ITGA1: variants seen among roughly 807,000 people sequenced by gnomAD.
ITGA1 encodes the protein integrin subunit alpha 1.
Under a neutral mutation model 145.9 loss-of-function variants are expected in ITGA1, and 85 were observed. The observed-to-expected ratio is 0.58, with a 90% CI of 0.49 to 0.70. The LOEUF is 0.70. ITGA1 is among the 30% of genes least tolerant of loss of function. The pLI is 0.00. For synonymous variants in ITGA1, 520 were observed against 495.3 expected, an observed-to-expected ratio of 1.05 and a Z score of -0.66; for missense variants, 1,351 against 1,418.7, an observed-to-expected ratio of 0.95 and a Z score of 0.77.
chr5:52,859,337 C>T (rs1366523009), intron 2 of ITGA1, among the ~76,000 whole-genome samples: 1 of 152,096 alleles, frequency 6.6e-6, no homozygotes. Flanking sequence ...ATATATAACA[C>T]TATGAGCATT....
Position 52,898,309 on chromosome 5 carries a change from A to C in ITGA1, c.1235A>C (p.Gln412Pro), listed in dbSNP as rs773136243. ...ACAGTTGTCATGCAGAAGGCTAGTC[A>C]AATCATAATCCCTCGAAACACAACC... Reference protein sequence around the residue: ...NGTVVMQKASQIIIPRNTTFN... With the variant: ...NGTVVMQKASPIIIPRNTTFN... Residue 412 changes from glutamine to proline, a missense_variant, in exon 11 of 29, where the codon CAA (glutamine) becomes CCA (proline). Gln to Pro is a moderately conservative substitution (Grantham distance 76). Coordinates refer to ENST00000282588, the MANE Select transcript of ITGA1 (RefSeq NM_181501.2). The C allele has an allele frequency of 6.2e-7, 1 of 1,612,058 alleles. No homozygotes were observed. Among genetic ancestry groups the C allele is most frequent in the Non-Finnish European group, 8.5e-7 (1 of 1,178,716 alleles).
At chr5:52,856,635 T>C (rs1749515982) in intron 2 of ITGA1, among the ~76,000 whole-genome samples, 1 of 151,596 alleles carries the variant, frequency 6.6e-6, no homozygotes, top group Non-Finnish European at 1.5e-5. Flanking sequence ...TCTGTAAATC[T>C]CACTAGACAA....
intron 23 of ITGA1, among the ~76,000 whole-genome samples, chr5:52,936,701 C>T (rs1163513944): frequency 2.0e-5 from 3 of 152,174 alleles, no homozygotes; most frequent in Non-Finnish European, 4.4e-5. Flanking sequence ...TTATCCTGCC[C>T]ACCTTTCCCT....
chr5:52,795,936 T>C (rs921591114), intron 1 of ITGA1, among the ~76,000 whole-genome samples: 2 of 151,984 alleles, frequency 1.3e-5, no homozygotes, highest in Non-Finnish European at 2.9e-5. Context: ...CTGCCAATTC[T>C]TGGTCCACAA....
intron 1 of ITGA1, among the ~76,000 whole-genome samples, chr5:52,841,560 T>G (rs181177161): frequency 1.4e-3 from 209 of 152,314 alleles, no homozygotes; most frequent in Non-Finnish European, 2.6e-3. Flanking sequence ...ACAGCAACCA[T>G]ATACATCCAC....
intron 21 of ITGA1, among the ~76,000 whole-genome samples, chr5:52,930,703 C>G (rs969253975): frequency 6.6e-6 from 1 of 151,982 alleles, no homozygotes; most frequent in African/African-American, 2.4e-5. Flanking sequence ...TGAATAGCAC[C>G]AGGTGGAGCA....
rs749211158 is a variant in ITGA1 at position 52,920,442 on chromosome 5, T to A, written c.2266T>A (p.Cys756Ser). ...GAACATCACAGTTCGAAAATCAGAA[T>A]GCACTAAGCACTCCTTCTACATGTT... ...QRNITVRKSE[C>S]TKHSFYMLDK... The change falls in exon 17 of 29, where the codon TGC becomes AGC. Residue 756 changes from cysteine to serine, a missense_variant. Coordinates refer to ENST00000282588, the MANE Select transcript of ITGA1 (RefSeq NM_181501.2). 2.1e-5 allele frequency: 34 copies of A among 1,606,808 alleles called. No individual in the cohort carries two copies. The highest frequency in any genetic ancestry group is 4.2e-6 in the Non-Finnish European group (5 of 1,177,564).
intron 7 of ITGA1, among the ~76,000 whole-genome samples, chr5:52,885,900 A>T (rs1450879792): frequency 1.3e-5 from 2 of 152,120 alleles, no homozygotes; most frequent in Non-Finnish European, 1.5e-5. Flanking sequence ...ATTGAATTGG[A>T]CTTTGGTTTG....
Position 52,856,042 on chromosome 5 carries a change from G to A in ITGA1, c.183-5405G>A, listed in dbSNP as rs560583696. Among the ~76,000 whole-genome samples, 6 of 152,184 alleles carry A rather than the reference G, an allele frequency of 3.9e-5. No individual in the cohort carries two copies. In the South Asian group the frequency reaches 1.2e-3, roughly 32 times the overall value. Reference sequence around the variant, plus strand: ...GGCCGTGGTTGAGATTGCTGTATCAGGTCAGTTTCCAATTATCACCATATC... The same window carrying A: ...GGCCGTGGTTGAGATTGCTGTATCAAGTCAGTTTCCAATTATCACCATATC... On this transcript the variant is annotated intron_variant, in intron 2 of 28. Transcript: ENST00000282588.
chr5:52,894,313 C>T (rs1460665276), intron 9 of ITGA1, among the ~76,000 whole-genome samples: 2 of 152,080 alleles, frequency 1.3e-5, no homozygotes, highest in African/African-American at 4.8e-5. Flanking sequence ...TTTTAAAGGT[C>T]TTCATGGAAA....
At chr5:52,837,565 C>A (rs1198296068) in intron 1 of ITGA1, among the ~76,000 whole-genome samples, 1 of 152,030 alleles carries the variant, frequency 6.6e-6, no homozygotes, top group East Asian at 1.9e-4. Context: ...ATTTTAAGAT[C>A]CTTATATATA....
intron 3 of ITGA1, among the ~76,000 whole-genome samples, chr5:52,862,520 T>A (rs2111773362): frequency 6.6e-6 from 1 of 152,294 alleles, no homozygotes; most frequent in East Asian, 1.9e-4. Context: ...ACTCTCTGCA[T>A]TTTTCAGAAT....
intron 2 of ITGA1, 124 bp from the exon 3 acceptor site, chr5:52,861,323 T>C: frequency 1.6e-6 from 1 of 645,156 alleles, no homozygotes; most frequent in Non-Finnish European, 2.8e-6. Context: ...ATTAAATTAC[T>C]AATAGCATGA....
chr5:52,824,770 A>G (rs930000337), intron 1 of ITGA1: 3 of 152,232 alleles, frequency 2.0e-5, no homozygotes, highest in Non-Finnish European at 4.4e-5. Flanking sequence ...AAATAAAGAC[A>G]GAAGATCCTT....
At chr5:52,889,528 C>CT (rs1750109897) in intron 8 of ITGA1, 1 of 152,092 alleles carries the variant, frequency 6.6e-6, no homozygotes, top group African/African-American at 2.4e-5. Flanking sequence ...CTTAATCAAA[C>CT]TATCAGTTTT....
chr5:52,907,799 G>T (rs957275158), intron 12 of ITGA1, among the ~76,000 whole-genome samples: 1 of 152,124 alleles, frequency 6.6e-6, no homozygotes, highest in African/African-American at 2.4e-5. Flanking sequence ...GTTGACGGTT[G>T]CCATGTGGGG....
chr5:52,823,923 T>A (rs1748918984), intron 1 of ITGA1, among the ~76,000 whole-genome samples: 1 of 152,248 alleles, frequency 6.6e-6, no homozygotes, highest in South Asian at 2.1e-4. Context: ...TTTGCCAATT[T>A]ATTTTACAAG....
intron 11 of ITGA1, 128 bp downstream of exon 11, chr5:52,898,511 C>T (rs931754779): frequency 1.2e-6 from 1 of 842,450 alleles, no homozygotes. Context: ...TGGGTATTTT[C>T]CAGAACCCAT....
chr5:52,942,975 A>G lies in ITGA1; in HGVS notation c.3286-1968A>G, dbSNP rs72758606. ...ATGAATTCTAGGAGTTTTTTGGCAG[A>G]GTCTTAAGGGTTTTCTAGGTATAGG... On this transcript the variant is annotated intron_variant, in intron 26 of 28. Coordinates refer to ENST00000282588, the MANE Select transcript of ITGA1 (RefSeq NM_181501.2). Among the ~76,000 whole-genome samples the G allele has an allele frequency of 8.4e-3, 1,281 of 152,244 alleles. 7 individuals carry two copies. The highest frequency in any genetic ancestry group is 0.014 in the Non-Finnish European group (928 of 68,006).
Sources: gnomAD v4.1 joint callset for allele counts (sites outside exome capture counted in the v4.1 genomes callset) on GRCh38, gnomAD v4.1.1 for gene constraint, MANE v1.5 for transcripts, NCBI Gene and HGNC (gene_info 2026-07-23, HGNC 2026-07-21) for gene names.